The following PPIG variants were observed in gnomAD, a reference collection of about 807,000 sequenced individuals.
PPIG encodes the protein peptidylprolyl isomerase G.
In PPIG, 26 loss-of-function variants were observed where a neutral mutation model predicts 87.9. The ratio of observed to expected loss-of-function variants is 0.30; its 90% confidence interval spans 0.22 to 0.41. PPIG has a LOEUF of 0.41. Ranked by LOEUF, PPIG falls within the 10% of genes least tolerant of loss-of-function variation. The pLI is 1.00. For synonymous variants in PPIG, 308 were observed against 276.5 expected, an observed-to-expected ratio of 1.11 and a Z score of -1.13; for missense variants, 722 against 879.4, an observed-to-expected ratio of 0.82 and a Z score of 2.26.
At chr2:169,610,186 C>G (rs1037182546) in intron 7 of PPIG, among the ~76,000 whole-genome samples, 2 of 152,138 alleles carry the variant, frequency 1.3e-5, no homozygotes, top group African/African-American at 4.8e-5. Flanking sequence ...GTTAACTGTT[C>G]AACAGTGAGA....
intron 5 of PPIG, 69 bp downstream of exon 5, chr2:169,606,215 T>C: frequency 9.0e-7 from 1 of 1,114,970 alleles, no homozygotes; most frequent in Middle Eastern, 2.0e-4. Context: ...GACAAGTCCC[T>C]AGAAGTTTTA....
intron 9 of PPIG, among the ~76,000 whole-genome samples, chr2:169,623,765 G>A (rs1029912265): frequency 2.0e-5 from 3 of 152,114 alleles, no homozygotes; most frequent in African/African-American, 7.2e-5. Flanking sequence ...CCCATAATGT[G>A]AAATGAAATT....
At chr2:169,604,543 A>G (rs2105487313) in intron 4 of PPIG, among the ~76,000 whole-genome samples, 1 of 151,944 alleles carries the variant, frequency 6.6e-6, no homozygotes, top group Middle Eastern at 3.4e-3. Flanking sequence ...TGAAGATTAC[A>G]CAGCAGTGAC....
chr2:169,621,682 C>T (rs1051666938), intron 9 of PPIG, among the ~76,000 whole-genome samples: 2 of 151,710 alleles, frequency 1.3e-5, no homozygotes, highest in South Asian at 4.2e-4. Context: ...AGGCATTATT[C>T]TTCCCAAGTC....
chr2:169,598,811 A>G (rs1423572076), intron 1 of PPIG, among the ~76,000 whole-genome samples: 4 of 148,604 alleles, frequency 2.7e-5, no homozygotes, highest in South Asian at 2.1e-4. Flanking sequence ...ATAAATATTT[A>G]TATTTATATA....
chr2:169,630,842 A>C lies in PPIG; in HGVS notation c.616A>C (p.Ser206Arg), dbSNP rs1686028333. ...SSSSSSSDSD[S>R]SSDSQSSSDS... Reference sequence around the variant, plus strand: ...CTCCTCCTCATCTAGTGACTCAGATAGCTCAAGTGATTCTCAGTCCTCTTC... The same window carrying C: ...CTCCTCCTCATCTAGTGACTCAGATCGCTCAAGTGATTCTCAGTCCTCTTC... The change falls in exon 10 of 14, where the codon AGC becomes CGC. Residue 206 changes from serine to arginine, a missense_variant. Physicochemically the swap from Ser to Arg is moderately radical, Grantham distance 110. Coordinates refer to ENST00000260970, the MANE Select transcript of PPIG (RefSeq NM_004792.3). The C allele has an allele frequency of 6.2e-7, 1 of 1,612,902 alleles. No homozygotes were observed. Among genetic ancestry groups the C allele is most frequent in the African/African-American group, 1.3e-5 (1 of 74,884 alleles).
At chr2:169,631,124 C>T in intron 10 of PPIG, 137 bp downstream of exon 10, 1 of 806,688 alleles carries the variant, frequency 1.2e-6, no homozygotes. Context: ...TTTGATATTC[C>T]ACAGTCTATA....
At chr2:169,626,734 G>C (rs1685897720) in intron 9 of PPIG, among the ~76,000 whole-genome samples, 1 of 151,762 alleles carries the variant, frequency 6.6e-6, no homozygotes, top group African/African-American at 2.4e-5. Context: ...AATCAGGACG[G>C]AGTCTCACTC....
At chr2:169,584,582 C>G (rs1684645741) in intron 1 of PPIG, 92 bp downstream of exon 1, 1 of 450,334 alleles carries the variant, frequency 2.2e-6, no homozygotes, top group Admixed American at 2.9e-5. Context: ...AGGGGCGGAG[C>G]CGGCGCGGCT....
intron 12 of PPIG, chr2:169,633,465 G>A (rs1423250294): frequency 1.8e-6 from 1 of 563,940 alleles, no homozygotes; most frequent in East Asian, 3.2e-5. Context: ...CATTTACATG[G>A]TATAAAATGG....
At position 169,608,655 on chromosome 2, in the gene PPIG, C is replaced by CT; in HGVS notation, c.290-13dup. On this transcript the variant is annotated splice_polypyrimidine_tract_variant and intron_variant, in intron 6 of 13. Coordinates refer to ENST00000260970, the MANE Select transcript of PPIG (RefSeq NM_004792.3). ...GTTATATCTATAATGTAACTGAAAA[C>CT]TTTACTTCTCTATAGACGAGAGTTT... 6.3e-7 allele frequency: 1 copy of CT among 1,577,154 alleles called. No homozygotes were observed. Among genetic ancestry groups the CT allele is most frequent in the Non-Finnish European group, 8.7e-7 (1 of 1,148,124 alleles).
rs1254918562 is a variant in PPIG at position 169,639,407 on chromosome 2, AAC to A, written c.*1886_*1887del. ...TGCTATTTAAGAAAGGATTTCTAAT[AAC>A]AGTTAAATATTTTTTTTAAGTCCAT... On this transcript the variant is annotated 3_prime_UTR_variant, in exon 14 of 14. Transcript: ENST00000260970. The A allele has an allele frequency of 7.4e-5, 8 of 108,702 alleles. No homozygotes were observed. Among genetic ancestry groups the A allele is most frequent in the Non-Finnish European group, 1.5e-4 (8 of 51,876 alleles). 6.7% of individuals were successfully genotyped at this position (108,702 alleles called of 1,614,324 possible).
In PPIG at chr2:169,630,934, A is replaced by G. The variant is rs367562244; in HGVS notation, c.708A>G (p.Lys236=). The change falls in exon 10 of 14, where the codon AAA becomes AAG. Residue 236 remains lysine, a synonymous_variant. Transcript: ENST00000260970. ...KSKKRKKKHR[K]NSRKHKKEKK... is the part of the protein sequence containing the mutation. ...AGAAAAGAAAAAAGAAACATCGGAA[A>G]AATTCCCGAAAACACAAGAAAGAAA... 38 of 1,599,794 alleles carry G rather than the reference A, an allele frequency of 2.4e-5. No homozygotes were observed. The highest frequency in any genetic ancestry group is 3.2e-5 in the Non-Finnish European group (38 of 1,176,814).
intron 1 of PPIG, among the ~76,000 whole-genome samples, chr2:169,600,103 G>T (rs981267166): frequency 9.3e-5 from 14 of 150,132 alleles, no homozygotes; most frequent in African/African-American, 3.4e-4. Context: ...TTGAAACGGG[G>T]TCTCACTGTC....
rs573620225 is a variant in PPIG, at chr2:169,625,057, T to A, written c.548-5717T>A. On this transcript the variant is annotated intron_variant, in intron 9 of 13. Transcript: ENST00000260970. The stretch of plus-strand genomic sequence containing the variant: ...TGCAGAATGATTAAATCAAGCTATT[T>A]AACATAGCTGTCACCTCAAATACTA... 2.0e-5 allele frequency among the ~76,000 whole-genome samples: 3 copies of A among 152,350 alleles called. No individual in the cohort carries two copies. In the South Asian group the frequency reaches 6.2e-4, roughly 32 times the overall value.
chr2:169,630,718 C>T, intron 9 of PPIG, 56 bp from the exon 10 acceptor site: 1 of 1,432,014 alleles, frequency 7.0e-7, no homozygotes, highest in Non-Finnish European at 9.7e-7. Flanking sequence ...TTTAAATCTC[C>T]TTCCACAAAG....
intron 7 of PPIG, among the ~76,000 whole-genome samples, chr2:169,612,571 A>G (rs1454831409): frequency 6.6e-6 from 1 of 151,838 alleles, no homozygotes; most frequent in Non-Finnish European, 1.5e-5. Context: ...TTTAGTAGAG[A>G]CGGGGTTTCA....
chr2:169,604,038 A>G lies in PPIG; in HGVS notation c.-4A>G. The G allele has an allele frequency of 6.2e-7, 1 of 1,612,984 alleles. No individual in the cohort carries two copies. On this transcript the variant is annotated 5_prime_UTR_variant, in exon 3 of 14. Transcript: ENST00000260970. ...ATTTTACTCACAGATTAAGTATTGG[A>G]GCCATGGGAATAAAGGTTCAACGTC...
At chr2:169,626,918 C>A (rs1311016535) in intron 9 of PPIG, among the ~76,000 whole-genome samples, 1 of 152,068 alleles carries the variant, frequency 6.6e-6, no homozygotes, top group African/African-American at 2.4e-5. Flanking sequence ...CCATGTTGGC[C>A]AGGCTGGTCT....
Sources: gnomAD v4.1 joint callset for allele counts (sites outside exome capture counted in the v4.1 genomes callset) on GRCh38, gnomAD v4.1.1 for gene constraint, MANE v1.5 for transcripts, NCBI Gene and HGNC (gene_info 2026-07-23, HGNC 2026-07-21) for gene names.